Variants in KCTD8 observed in about 807,000 individuals in gnomAD.
KCTD8 encodes potassium channel tetramerization domain containing 8.
Under a neutral mutation model 31.5 loss-of-function variants are expected in KCTD8, and 27 were observed. That is an observed-to-expected ratio of 0.86 (90% confidence interval 0.63 to 1.18). KCTD8 has a LOEUF of 1.18. KCTD8 is among the 50% of genes most tolerant of loss of function. The pLI, the probability that KCTD8 is intolerant of heterozygous loss-of-function variation, is 0.00. For synonymous variants in KCTD8, 290 were observed against 280.0 expected, an observed-to-expected ratio of 1.04 and a Z score of -0.36; for missense variants, 658 against 647.7, an observed-to-expected ratio of 1.02 and a Z score of -0.17.
chr4:44,391,035 G>A lies in KCTD8; in HGVS notation c.961+56528C>T, dbSNP rs144257433. On this transcript the variant is annotated intron_variant, in intron 1 of 1. Coordinates refer to ENST00000360029, the MANE Select transcript of KCTD8 (RefSeq NM_198353.3). ...AAATAACGGCATTTGCAGCAACCTG[G>A]CTGGAACTAGAAACCATTATTCTAA... 3.9e-3 allele frequency among the ~76,000 whole-genome samples: 593 copies of A among 152,038 alleles called. 4 individuals carry two copies. Among genetic ancestry groups the A allele is most frequent in the Non-Finnish European group, 6.5e-3 (442 of 67,940 alleles).
chr4:44,384,981 T>C lies in KCTD8; in HGVS notation c.961+62582A>G, dbSNP rs114674214. Among the ~76,000 whole-genome samples, 431 of 146,584 alleles carry C rather than the reference T, an allele frequency of 2.9e-3. 2 individuals carry two copies. The highest frequency in any genetic ancestry group is 0.01 in the African/African-American group (393 of 38,668). On this transcript the variant is annotated intron_variant, in intron 1 of 1. Coordinates refer to ENST00000360029, the MANE Select transcript of KCTD8 (RefSeq NM_198353.3). ...AAAAATATAATAGATGAGAAGAATATAGACCAAAAAAAAAGAAAATATATA... is the reference window on the plus strand; with the variant it reads ...AAAAATATAATAGATGAGAAGAATACAGACCAAAAAAAAAGAAAATATATA...
At position 44,348,829 on chromosome 4, in the gene KCTD8, G is replaced by A. The variant is rs549517795; in HGVS notation, c.961+98734C>T. Among the ~76,000 whole-genome samples, 367 of 152,106 alleles carry A rather than the reference G, an allele frequency of 2.4e-3. 6 individuals carry two copies. Among genetic ancestry groups the A allele is most frequent in the Non-Finnish European group, 1.4e-3 (97 of 67,990 alleles). Reference sequence around the variant, plus strand: ...GTTCACCCTCCTTGACAGGTTGGCAGTATTTCTGGCATTGATTCCCTCCTG... The same window carrying A: ...GTTCACCCTCCTTGACAGGTTGGCAATATTTCTGGCATTGATTCCCTCCTG... On this transcript the variant is annotated intron_variant, in intron 1 of 1. Transcript: ENST00000360029.
intron 1 of KCTD8, among the ~76,000 whole-genome samples, chr4:44,352,038 T>C (rs528650870): frequency 1.3e-5 from 2 of 152,088 alleles, no homozygotes; most frequent in Non-Finnish European, 2.9e-5. Flanking sequence ...ATAGAGAACT[T>C]CTTACCTGGC....
intron 1 of KCTD8, among the ~76,000 whole-genome samples, chr4:44,318,034 C>G (rs569136615): frequency 6.6e-6 from 1 of 152,326 alleles, no homozygotes; most frequent in African/African-American, 2.4e-5. Context: ...TTTGCTGACT[C>G]TGAAGTTGAA....
At chr4:44,427,878 T>C (rs1721385962) in intron 1 of KCTD8, among the ~76,000 whole-genome samples, 1 of 151,838 alleles carries the variant, frequency 6.6e-6, no homozygotes, top group Non-Finnish European at 1.5e-5. Context: ...TTTCCACCTT[T>C]TAATACCACA....
intron 1 of KCTD8, among the ~76,000 whole-genome samples, chr4:44,315,011 T>C (rs1054918627): frequency 2.0e-5 from 3 of 151,762 alleles, no homozygotes; most frequent in African/African-American, 7.2e-5. Context: ...TTTTATTATA[T>C]CATTATCAGC....
At chr4:44,414,303 A>G (rs921733622) in intron 1 of KCTD8, among the ~76,000 whole-genome samples, 3 of 152,188 alleles carry the variant, frequency 2.0e-5, no homozygotes, top group African/African-American at 7.2e-5. Context: ...TACTCTTCTC[A>G]GGCAGACCTG....
chr4:44,275,047 A>G (rs1177200957), intron 1 of KCTD8, among the ~76,000 whole-genome samples: 3 of 152,008 alleles, frequency 2.0e-5, no homozygotes, highest in African/African-American at 7.2e-5. Context: ...ATGGTAACTT[A>G]GAATAAAAGA....
chr4:44,333,663 C>A (rs1718645037), intron 1 of KCTD8, among the ~76,000 whole-genome samples: 1 of 151,918 alleles, frequency 6.6e-6, no homozygotes, highest in South Asian at 2.1e-4. Flanking sequence ...TAATAGGTAA[C>A]AGATTAGAAA....
intron 1 of KCTD8, among the ~76,000 whole-genome samples, chr4:44,395,593 G>T: frequency 6.6e-6 from 1 of 152,020 alleles, no homozygotes; most frequent in Non-Finnish European, 1.5e-5. Context: ...TTCACTCCTT[G>T]GTTAAAGAAA....
intron 1 of KCTD8, among the ~76,000 whole-genome samples, chr4:44,305,584 A>G (rs976061122): frequency 1.3e-5 from 2 of 151,854 alleles, no homozygotes; most frequent in African/African-American, 4.8e-5. Context: ...GCTCTGAGAA[A>G]AAGTAGACCT....
intron 1 of KCTD8, among the ~76,000 whole-genome samples, chr4:44,298,526 G>A (rs1225766783): frequency 6.6e-6 from 1 of 152,002 alleles, no homozygotes; most frequent in African/African-American, 2.4e-5. Context: ...GCAGCAATAA[G>A]ATATATAAAT....
intron 1 of KCTD8, among the ~76,000 whole-genome samples, chr4:44,259,522 C>G (rs1489799937): frequency 6.6e-6 from 1 of 151,906 alleles, no homozygotes; most frequent in Non-Finnish European, 1.5e-5. Flanking sequence ...AGCACCTAAA[C>G]CATCCCAAAA....
intron 1 of KCTD8, among the ~76,000 whole-genome samples, chr4:44,363,878 T>A (rs555751409): frequency 6.6e-6 from 1 of 152,232 alleles, no homozygotes; most frequent in African/African-American, 2.4e-5. Flanking sequence ...AAAAATTAAA[T>A]GTTCTTATGT....
intron 1 of KCTD8, among the ~76,000 whole-genome samples, chr4:44,383,419 T>C (rs572005225): frequency 1.3e-5 from 2 of 152,112 alleles, no homozygotes; most frequent in South Asian, 4.2e-4. Flanking sequence ...GAAAATATAC[T>C]ACAGACCTTT....
chr4:44,278,935 T>C (rs1716823502), intron 1 of KCTD8, among the ~76,000 whole-genome samples: 1 of 152,090 alleles, frequency 6.6e-6, no homozygotes, highest in Admixed American at 6.6e-5. Context: ...TATTTTTATT[T>C]CTTGCACTCT....
At chr4:44,270,116 C>T (rs1447512216) in intron 1 of KCTD8, among the ~76,000 whole-genome samples, 7 of 151,954 alleles carry the variant, frequency 4.6e-5, no homozygotes, top group Non-Finnish European at 7.4e-5. Flanking sequence ...GCACTATTCA[C>T]AATAGCAAAG....
intron 1 of KCTD8, among the ~76,000 whole-genome samples, chr4:44,239,233 T>C (rs1452438275): frequency 6.6e-6 from 1 of 152,282 alleles, no homozygotes; most frequent in East Asian, 1.9e-4. Context: ...CAAAGAAAAT[T>C]TTGATGTTGT....
intron 1 of KCTD8, among the ~76,000 whole-genome samples, chr4:44,259,247 A>T (rs1716090580): frequency 6.6e-6 from 1 of 150,722 alleles, no homozygotes; most frequent in African/African-American, 2.5e-5. Flanking sequence ...ATGATCTTCC[A>T]CATGCAAGTC....
Sources: gnomAD v4.1 joint callset for allele counts (sites outside exome capture counted in the v4.1 genomes callset) on GRCh38, gnomAD v4.1.1 for gene constraint, MANE v1.5 for transcripts, NCBI Gene and HGNC (gene_info 2026-07-23, HGNC 2026-07-21) for gene names.